Variants in AGMO observed in about 807,000 individuals in gnomAD.
The protein encoded by AGMO is alkylglycerol monooxygenase.
Under a neutral mutation model 60.2 loss-of-function variants are expected in AGMO, and 75 were observed. That is an observed-to-expected ratio of 1.25 (90% CI 1.03 to 1.51). The LOEUF (loss-of-function observed/expected upper bound fraction) is 1.51. AGMO is among the 40% of genes most tolerant of loss of function. AGMO has a pLI of 0.00. For synonymous variants in AGMO, 261 were observed against 177.1 expected, an observed-to-expected ratio of 1.47 and a Z score of -3.76; for missense variants, 763 against 525.5, an observed-to-expected ratio of 1.45 and a Z score of -4.42.
At chr7:15,419,674 GTT>G (rs34482531) in intron 4 of AGMO, among the ~76,000 whole-genome samples, 19 of 149,948 alleles carry the variant, frequency 1.3e-4, no homozygotes, top group African/African-American at 3.9e-4. Context: ...TAAGTAGAAT[GTT>G]TTTTTTTTAA....
At chr7:15,293,372 T>C (rs1784326751) in intron 12 of AGMO, among the ~76,000 whole-genome samples, 1 of 152,072 alleles carries the variant, frequency 6.6e-6, no homozygotes, top group Non-Finnish European at 1.5e-5. Flanking sequence ...TGCTGATAGA[T>C]TTCAGCATAT....
the AGMO span, among the ~76,000 whole-genome samples, chr7:15,171,685 G>A: frequency 1.3e-5 from 2 of 152,002 alleles, no homozygotes; most frequent in Non-Finnish European, 2.9e-5. Context: ...TCATTAAATT[G>A]GCTGTCTAGT....
In AGMO at chr7:15,273,390, T is replaced by G. The variant is rs556731123; in HGVS notation, c.1264-72031A>C. Reference sequence around the variant, plus strand: ...CACCATTTATTAAATAGAGAATCCTTTCCTCATTTCTTGTTTTTGTCAGGT... The same window carrying G: ...CACCATTTATTAAATAGAGAATCCTGTCCTCATTTCTTGTTTTTGTCAGGT... On this transcript the variant is annotated intron_variant, in intron 12 of 12. Coordinates refer to ENST00000342526, the MANE Select transcript of AGMO (RefSeq NM_001004320.2). 1.2e-3 allele frequency among the ~76,000 whole-genome samples: 189 copies of G among 152,332 alleles called. 1 individual carries two copies. The highest frequency in any genetic ancestry group is 4.4e-3 in the African/African-American group (181 of 41,582).
chr7:15,337,109 C>A (rs565443663), intron 12 of AGMO, among the ~76,000 whole-genome samples: 2 of 152,084 alleles, frequency 1.3e-5, no homozygotes, highest in Non-Finnish European at 2.9e-5. Flanking sequence ...TGTCACATCC[C>A]TAAATCCGTG....
At chr7:15,120,846 G>A in the AGMO span, among the ~76,000 whole-genome samples, 4 of 152,008 alleles carry the variant, frequency 2.6e-5, no homozygotes, top group South Asian at 8.3e-4. Flanking sequence ...GGATACATGT[G>A]CTGAGAGTGC....
chr7:15,420,662 A>T (rs1217828289), intron 4 of AGMO, among the ~76,000 whole-genome samples: 2 of 152,148 alleles, frequency 1.3e-5, no homozygotes, highest in African/African-American at 4.8e-5. Flanking sequence ...TGCATTTCCG[A>T]ATCCTATATA....
chr7:15,194,244 T>C, the AGMO span, among the ~76,000 whole-genome samples: 2 of 152,192 alleles, frequency 1.3e-5, no homozygotes, highest in Non-Finnish European at 2.9e-5. Flanking sequence ...GAAAATCAGA[T>C]GGCAGTGAGA....
At chr7:15,387,742 A>G (rs995976566) in intron 8 of AGMO, among the ~76,000 whole-genome samples, 1 of 152,160 alleles carries the variant, frequency 6.6e-6, no homozygotes, top group African/African-American at 2.4e-5. Flanking sequence ...CGTTGTTGTC[A>G]ATATATCTAA....
chr7:15,142,027 C>G, the AGMO span, among the ~76,000 whole-genome samples: 3 of 152,136 alleles, frequency 2.0e-5, no homozygotes, highest in Admixed American at 6.5e-5. Context: ...CAGAGTCAAA[C>G]TGCCTGATCC....
At chr7:15,551,221 G>C (rs1361457575) in intron 2 of AGMO, among the ~76,000 whole-genome samples, 1 of 151,924 alleles carries the variant, frequency 6.6e-6, no homozygotes, top group Admixed American at 6.6e-5. Context: ...ATACTGAATG[G>C]GCAAAAACTG....
chr7:15,493,538 T>C (rs995285498), intron 3 of AGMO, among the ~76,000 whole-genome samples: 1 of 151,070 alleles, frequency 6.6e-6, no homozygotes, highest in Non-Finnish European at 1.5e-5. Context: ...CACACCCGGC[T>C]AATTTTTTTG....
At chr7:15,368,274 T>C (rs1783061553) in intron 10 of AGMO, among the ~76,000 whole-genome samples, 1 of 130,432 alleles carries the variant, frequency 7.7e-6, no homozygotes, top group Non-Finnish European at 1.6e-5. Flanking sequence ...TTAGGAAGAA[T>C]GAGACCAAAA....
At chr7:15,132,403 G>A in the AGMO span, among the ~76,000 whole-genome samples, 4 of 152,108 alleles carry the variant, frequency 2.6e-5, no homozygotes, top group Non-Finnish European at 4.4e-5. Flanking sequence ...AAAATCTGAT[G>A]TGACTTAGGG....
At chr7:15,409,397 A>G (rs1462060160) in intron 5 of AGMO, among the ~76,000 whole-genome samples, 1 of 151,948 alleles carries the variant, frequency 6.6e-6, no homozygotes, top group Non-Finnish European at 1.5e-5. Context: ...AAGTGTGACA[A>G]GTGAATGAAG....
the AGMO span, among the ~76,000 whole-genome samples, chr7:15,128,451 C>G: frequency 2.0e-5 from 3 of 151,974 alleles, no homozygotes; most frequent in Admixed American, 6.6e-5. Context: ...GCCTATAAAA[C>G]TGTTGTTTAT....
intron 12 of AGMO, among the ~76,000 whole-genome samples, chr7:15,359,439 A>T: frequency 6.6e-6 from 1 of 152,346 alleles, no homozygotes; most frequent in South Asian, 2.1e-4. Flanking sequence ...TTTCATTTAA[A>T]AGAAATATAT....
chr7:15,190,424 TC>T, the AGMO span, among the ~76,000 whole-genome samples: 2 of 151,790 alleles, frequency 1.3e-5, no homozygotes, highest in Non-Finnish European at 2.9e-5. Flanking sequence ...AGATCATACT[TC>T]ATATAAAACT....
chr7:15,378,174 C>A (rs1397815215), intron 10 of AGMO, among the ~76,000 whole-genome samples: 3 of 151,938 alleles, frequency 2.0e-5, no homozygotes, highest in Non-Finnish European at 4.4e-5. Flanking sequence ...TAATACAAGT[C>A]GATTTCATGT....
chr7:15,449,438 G>A (rs1453136915), intron 3 of AGMO, among the ~76,000 whole-genome samples: 1 of 151,904 alleles, frequency 6.6e-6, no homozygotes, highest in African/African-American at 2.4e-5. Context: ...TATCATAGTG[G>A]TCCCATAAGA....
Sources: gnomAD v4.1 joint callset for allele counts (sites outside exome capture counted in the v4.1 genomes callset) on GRCh38, gnomAD v4.1.1 for gene constraint, MANE v1.5 for transcripts, NCBI Gene and HGNC (gene_info 2026-07-23, HGNC 2026-07-21) for gene names.